Variants in TENM2 observed in about 807,000 individuals in gnomAD.
The protein encoded by TENM2 is teneurin-2.
In TENM2, 52 loss-of-function variants were observed where a neutral mutation model predicts 245.2. The ratio of observed to expected loss-of-function variants is 0.21; its 90% confidence interval spans 0.17 to 0.27. TENM2 has a LOEUF of 0.27. Ranked by LOEUF, TENM2 falls within the 10% of genes least tolerant of loss-of-function variation. The pLI is 1.00. For synonymous variants in TENM2, 1,363 were observed against 1,438.9 expected, an observed-to-expected ratio of 0.95 and a Z score of 1.19; for missense variants, 3,046 against 3,666.8, an observed-to-expected ratio of 0.83 and a Z score of 4.37.
chr5:167,930,754 A>G lies in TENM2; in HGVS notation c.713-21834A>G, dbSNP rs894377722. On this transcript the variant is annotated intron_variant, in intron 3 of 28. Coordinates refer to ENST00000518659, the Ensembl canonical transcript of TENM2. ...TGACAGAGTGAATCATTTCTAAAGA[A>G]GAGAATTTTTTTTTTTTAAAAAAGC... Among the ~76,000 whole-genome samples the G allele has an allele frequency of 2.4e-4, 36 of 149,878 alleles. 1 individual carries two copies. The highest frequency in any genetic ancestry group is 3.0e-5 in the Non-Finnish European group (2 of 67,480).
intron 7 of TENM2, among the ~76,000 whole-genome samples, chr5:168,077,439 T>TAAAAAA (rs1791577984): frequency 6.6e-6 from 1 of 152,040 alleles, no homozygotes; most frequent in Non-Finnish European, 1.5e-5. Context: ...TTTTTTTTTT[T>TAAAAAA]AATTATACTT....
At chr5:168,187,647 A>C (rs1447157472) in intron 13 of TENM2, 3 of 152,192 alleles carry the variant, frequency 2.0e-5, no homozygotes, top group African/African-American at 7.2e-5. Context: ...CTGTCTTTTG[A>C]AGGCAGCCCG....
the TENM2 span, among the ~76,000 whole-genome samples, chr5:167,175,309 G>T: frequency 1.3e-5 from 2 of 152,200 alleles, no homozygotes; most frequent in Non-Finnish European, 2.9e-5. Context: ...ATATTGATTA[G>T]AAAGTTTATA....
At chr5:168,258,738 T>A (rs933660359) in intron 27 of TENM2, among the ~76,000 whole-genome samples, 9 of 152,306 alleles carry the variant, frequency 5.9e-5, no homozygotes, top group Middle Eastern at 6.8e-3. Flanking sequence ...GCAGAGTGAC[T>A]ACTAATGGGT....
At chr5:167,710,881 G>A (rs1408694881) in intron 2 of TENM2, among the ~76,000 whole-genome samples, 1 of 152,138 alleles carries the variant, frequency 6.6e-6, no homozygotes, top group East Asian at 1.9e-4. Context: ...TAGTTACTGC[G>A]GTAATCTAGG....
In TENM2 at chr5:167,360,148, A is replaced by C. The variant is rs187097529; in HGVS notation, c.227-15050A>C. On this transcript the variant is annotated intron_variant, in intron 1 of 28. Coordinates refer to ENST00000518659, the Ensembl canonical transcript of TENM2. Reference sequence around the variant, plus strand: ...AAGTTTACTCAAACAAGAAACCTGCACATGTACTGCTCAACCTAAAATAAA... The same window carrying C: ...AAGTTTACTCAAACAAGAAACCTGCCCATGTACTGCTCAACCTAAAATAAA... Among the ~76,000 whole-genome samples, 28 of 152,296 alleles carry C rather than the reference A, an allele frequency of 1.8e-4. 1 individual carries two copies. In the East Asian group the frequency reaches 4.8e-3, roughly 26 times the overall value.
At chr5:168,199,065 C>A in exon 16 of TENM2, 2 of 1,613,920 alleles carry the variant, frequency 1.2e-6, no homozygotes, top group Non-Finnish European at 8.5e-7. Flanking sequence ...CCACTGTCCA[C>A]CTTCTTTAGT....
chr5:168,177,043 A>G (rs890235988), intron 13 of TENM2, among the ~76,000 whole-genome samples: 5 of 152,176 alleles, frequency 3.3e-5, no homozygotes, highest in African/African-American at 1.2e-4. Context: ...AAGCCTCATA[A>G]TCCTCCTTTA....
At chr5:168,025,567 A>G (rs1206467011) in intron 5 of TENM2, among the ~76,000 whole-genome samples, 1 of 152,240 alleles carries the variant, frequency 6.6e-6, no homozygotes, top group Non-Finnish European at 1.5e-5. Flanking sequence ...TTTAAGTATT[A>G]GGTTTATGTG....
the TENM2 span, among the ~76,000 whole-genome samples, chr5:167,189,074 A>G: frequency 2.0e-5 from 3 of 152,114 alleles, no homozygotes; most frequent in African/African-American, 4.8e-5. Context: ...AGTTTATTTT[A>G]ATCATTCCTC....
intron 2 of TENM2, among the ~76,000 whole-genome samples, chr5:167,628,419 C>T (rs1013161275): frequency 5.3e-5 from 8 of 152,306 alleles, no homozygotes; most frequent in Non-Finnish European, 1.0e-4. Flanking sequence ...TTTCAACATT[C>T]GGTTCCATTC....
chr5:167,689,059 G>A (rs1179102922), intron 2 of TENM2, among the ~76,000 whole-genome samples: 4 of 152,112 alleles, frequency 2.6e-5, no homozygotes, highest in Non-Finnish European at 4.4e-5. Flanking sequence ...CCGGAAAAAC[G>A]TTGTTATTTT....
At position 168,021,951 on chromosome 5, in the gene TENM2, T is replaced by C. The variant is rs564190516; in HGVS notation, c.1187-25476T>C. On this transcript the variant is annotated intron_variant, in intron 5 of 28. Coordinates refer to ENST00000518659, the Ensembl canonical transcript of TENM2. ...TTCTGTTCATCTTCTCATCTAATTG[T>C]CTAAACAATCCTACATCACAAGATA... Among the ~76,000 whole-genome samples the C allele has an allele frequency of 1.6e-4, 25 of 152,292 alleles. 1 individual carries two copies. In the South Asian group the frequency reaches 5.2e-3, roughly 32 times the overall value.
At chr5:167,779,364 G>T (rs1764029962) in intron 2 of TENM2, among the ~76,000 whole-genome samples, 1 of 152,176 alleles carries the variant, frequency 6.6e-6, no homozygotes, top group Non-Finnish European at 1.5e-5. Flanking sequence ...AAACAACAGA[G>T]ATAGTATTAG....
At chr5:168,199,495 G>A (rs191957005) in intron 16 of TENM2, among the ~76,000 whole-genome samples, 1 of 152,144 alleles carries the variant, frequency 6.6e-6, no homozygotes, top group Admixed American at 6.5e-5. Flanking sequence ...TGCTTTATAC[G>A]GATTGTCAGT....
At chr5:167,293,472 G>T (rs192204295) in intron 1 of TENM2, among the ~76,000 whole-genome samples, 2,046 of 150,470 alleles carry the variant, frequency 0.014, 25 homozygotes, top group Middle Eastern at 0.025. Context: ...CACCCGCCTC[G>T]GGCTTCCAAA....
At chr5:167,824,740 G>A (rs754626917) in intron 2 of TENM2, among the ~76,000 whole-genome samples, 23 of 152,280 alleles carry the variant, frequency 1.5e-4, no homozygotes, top group Middle Eastern at 3.4e-3. Flanking sequence ...GCTCATAGCC[G>A]TAAGGAAAGT....
chr5:167,797,035 C>T (rs1765375342), intron 2 of TENM2, among the ~76,000 whole-genome samples: 1 of 152,078 alleles, frequency 6.6e-6, no homozygotes, highest in Admixed American at 6.6e-5. Context: ...GTTACAATCC[C>T]CTCTTGAATA....
intron 2 of TENM2, among the ~76,000 whole-genome samples, chr5:167,849,828 G>C (rs1770404772): frequency 6.6e-6 from 1 of 152,190 alleles, no homozygotes; most frequent in Admixed American, 6.5e-5. Context: ...TAGAAGAGAT[G>C]CATACGGCAA....
Sources: allele counts gnomAD v4.1 joint callset (sites outside exome capture counted in the v4.1 genomes callset), GRCh38; gene constraint gnomAD v4.1.1; transcripts MANE v1.5; gene names NCBI Gene and HGNC (gene_info 2026-07-23, HGNC 2026-07-21).